WDR25: variants seen among roughly 807,000 people sequenced by gnomAD.
The protein encoded by WDR25 is WD repeat-containing protein 25.
A neutral mutation model predicts 47.7 loss-of-function variants in WDR25; 35 were observed. The ratio of observed to expected loss-of-function variants is 0.73; its 90% CI spans 0.56 to 0.97. WDR25 has a LOEUF of 0.97. Ranked by LOEUF, WDR25 falls within the 50% of genes least tolerant of loss-of-function variation. The pLI, the probability that WDR25 is intolerant of heterozygous loss-of-function variation, is 0.00. For synonymous variants in WDR25, 248 were observed against 278.9 expected (o/e 0.89, Z 1.10); for missense variants, 634 against 704.7 (o/e 0.90, Z 1.14).
intron 2 of WDR25, among the ~76,000 whole-genome samples, chr14:100,412,218 A>C (rs1487346670): frequency 1.3e-5 from 2 of 151,988 alleles, no homozygotes; most frequent in African/African-American, 4.8e-5. Flanking sequence ...AAAAAAAAAA[A>C]AAAAAAAAAG....
chr14:100,476,453 G>A (rs540456738), intron 3 of WDR25: 1 of 152,186 alleles, frequency 6.6e-6, no homozygotes, highest in Non-Finnish European at 1.5e-5. Context: ...GGAAACACAA[G>A]CTCAATTACC....
At position 100,529,231 on chromosome 14, in the gene WDR25, G is replaced by C; in HGVS notation, c.1413+23G>C. ...AAGGTACTTCTGTCCTTGTCCCCCA[G>C]GCGAATGCTGAGCCCCAGCCCCAAG... On this transcript the variant is annotated intron_variant, in intron 6 of 6. Coordinates refer to ENST00000402312, the MANE Select transcript of WDR25 (RefSeq NM_001161476.3). This position sits in a 1 kb window ranked among gnomAD's most constrained non-coding sequence, Gnocchi z 5.1. The C allele has an allele frequency of 6.2e-7, 1 of 1,612,348 alleles. No homozygotes were observed. The highest frequency in any genetic ancestry group is 8.5e-7 in the Non-Finnish European group (1 of 1,179,620).
intron 2 of WDR25, among the ~76,000 whole-genome samples, chr14:100,382,333 G>A (rs574579168): frequency 1.3e-5 from 2 of 152,292 alleles, no homozygotes; most frequent in African/African-American, 4.8e-5. Flanking sequence ...TCCTGAGGAA[G>A]GGGAAGGTTC....
In WDR25 at chr14:100,428,788, T is replaced by C. The variant is rs1427747291; in HGVS notation, c.823-39233T>C. On this transcript the variant is annotated intron_variant, in intron 2 of 6. Coordinates refer to ENST00000402312, the MANE Select transcript of WDR25 (RefSeq NM_001161476.3). The surrounding 1 kb of genome is among the most constrained non-coding windows in gnomAD (Gnocchi z 4.3). ...CGCTTTTATTCTACTTTGAATGTAATTTAGTTGCACATTCATATTTAAAAT... is the reference window on the plus strand; with the variant it reads ...CGCTTTTATTCTACTTTGAATGTAACTTAGTTGCACATTCATATTTAAAAT... Among the ~76,000 whole-genome samples, 3 of 152,264 alleles carry C rather than the reference T, an allele frequency of 2.0e-5. No homozygotes were observed. The highest frequency in any genetic ancestry group is 7.2e-5 in the African/African-American group (3 of 41,470).
rs758269407 is a variant in WDR25 at position 100,530,086 on chromosome 14, C to T, written c.*45C>T. On this transcript the variant is annotated 3_prime_UTR_variant, in exon 7 of 7. Coordinates refer to ENST00000402312, the MANE Select transcript of WDR25 (RefSeq NM_001161476.3). ...TCCCGATGCCAGCTGGGCTCTTGGA[C>T]TCCCCTCTTCCTCAAGGGTAGATGA... 1.9e-6 allele frequency: 3 copies of T among 1,565,570 alleles called. No individual in the cohort carries two copies. The highest frequency in any genetic ancestry group is 2.4e-5 in the South Asian group (2 of 84,488).
At chr14:100,452,113 T>C (rs985690528) in intron 2 of WDR25, among the ~76,000 whole-genome samples, 1 of 152,216 alleles carries the variant, frequency 6.6e-6, no homozygotes, top group Non-Finnish European at 1.5e-5. Context: ...CCATCATCCA[T>C]TCATAACCCA....
intron 2 of WDR25, among the ~76,000 whole-genome samples, chr14:100,429,978 G>T (rs565969162): frequency 6.6e-6 from 1 of 152,244 alleles, no homozygotes; most frequent in East Asian, 1.9e-4. Context: ...GGGAGTTAGG[G>T]CTTCAACATA....
In WDR25 at chr14:100,468,119, C is replaced by G; in HGVS notation, c.921C>G (p.Ile307Met). 2 of 1,613,642 alleles carry G rather than the reference C, an allele frequency of 1.2e-6. No individual in the cohort carries two copies. Among genetic ancestry groups the G allele is most frequent in the Non-Finnish European group, 1.7e-6 (2 of 1,180,024 alleles). Residue 307 changes from isoleucine (I) to methionine (M), a missense_variant, in exon 3 of 7, where the codon ATC becomes ATG. Transcript: ENST00000402312. This position sits in a 1 kb window ranked among gnomAD's most constrained non-coding sequence, Gnocchi z 4.5. The part of the protein sequence containing the change: ...AARWAPCGRR[I>M]LSGGFDFALH... ...GGTGGGCTCCCTGTGGCCGGCGCAT[C>G]CTCAGTGGTGGCTTTGACTTCGCGC...
In WDR25 at chr14:100,498,462, G is replaced by A. The variant is rs908468371; in HGVS notation, c.1101+14338G>A. 1.1e-3 allele frequency among the ~76,000 whole-genome samples: 169 copies of A among 152,056 alleles called. No homozygotes were observed. The highest frequency in any genetic ancestry group is 3.8e-3 in the African/African-American group (159 of 41,460). On this transcript the variant is annotated intron_variant, in intron 4 of 6. Coordinates refer to ENST00000402312, the MANE Select transcript of WDR25 (RefSeq NM_001161476.3). The surrounding 1 kb of genome is among the most constrained non-coding windows in gnomAD (Gnocchi z 4.2). ...GAATTTTTTCTTTTTTTTCAAAAAG[G>A]TCGGTTTTCTGGCTCACCTCACTCA...
chr14:100,447,005 G>A (rs1350313733), intron 2 of WDR25, among the ~76,000 whole-genome samples: 1 of 152,190 alleles, frequency 6.6e-6, no homozygotes, highest in Non-Finnish European at 1.5e-5. Context: ...AGAATCACTT[G>A]TTAAACTTTA....
intron 2 of WDR25, among the ~76,000 whole-genome samples, chr14:100,445,538 C>A (rs1230752000): frequency 6.6e-6 from 1 of 152,156 alleles, no homozygotes; most frequent in African/African-American, 2.4e-5. Context: ...GCATAGGCTG[C>A]AGGCTGGGAG....
intron 2 of WDR25, among the ~76,000 whole-genome samples, chr14:100,446,454 G>A (rs1394418533): frequency 6.6e-6 from 1 of 151,302 alleles, no homozygotes; most frequent in East Asian, 1.9e-4. Context: ...GGGAGGCTGT[G>A]GCAGGAGAAT....
intron 2 of WDR25, among the ~76,000 whole-genome samples, chr14:100,458,080 C>G (rs1467434015): frequency 6.6e-6 from 1 of 152,154 alleles, no homozygotes; most frequent in Admixed American, 6.5e-5. Context: ...ATGAAATGGT[C>G]TACCCATCCC....
intron 2 of WDR25, among the ~76,000 whole-genome samples, chr14:100,454,090 G>T (rs1053508082): frequency 6.6e-6 from 1 of 152,204 alleles, no homozygotes; most frequent in Non-Finnish European, 1.5e-5. Flanking sequence ...TGCTGCAAAT[G>T]TGAGCCCTTT....
intron 2 of WDR25, among the ~76,000 whole-genome samples, chr14:100,399,640 T>C (rs563870450): frequency 1.2e-4 from 18 of 152,356 alleles, no homozygotes; most frequent in African/African-American, 3.8e-4. Context: ...AGCTCTGTTC[T>C]GCTTTCCGGA....
intron 3 of WDR25, among the ~76,000 whole-genome samples, chr14:100,482,433 GT>G (rs1900235593): frequency 1.3e-5 from 2 of 152,024 alleles, no homozygotes; most frequent in South Asian, 4.1e-4. Context: ...TCTATTTTTG[GT>G]TTTTAAAAAA....
At chr14:100,511,794 A>G (rs997557492) in intron 4 of WDR25, among the ~76,000 whole-genome samples, 3 of 152,168 alleles carry the variant, frequency 2.0e-5, no homozygotes, top group African/African-American at 7.2e-5. Flanking sequence ...TAGTTTGCTG[A>G]GAGTTTTTTA....
At chr14:100,410,176 A>G (rs1453144943) in intron 2 of WDR25, among the ~76,000 whole-genome samples, 1 of 152,142 alleles carries the variant, frequency 6.6e-6, no homozygotes, top group East Asian at 1.9e-4. Context: ...GATTAGGAAA[A>G]AGCCAGCGCT....
chr14:100,446,550 CAA>C (rs55946078), intron 2 of WDR25, among the ~76,000 whole-genome samples: 2,241 of 74,972 alleles, frequency 0.03, 18 homozygotes, highest in East Asian at 0.05. Context: ...GACTCCATCT[CAA>C]AAAAAAAAAA....
Sources: allele counts gnomAD v4.1 joint callset (sites outside exome capture counted in the v4.1 genomes callset), GRCh38; gene constraint gnomAD v4.1.1; non-coding constraint Gnocchi (gnomAD v3.1); transcripts MANE v1.5; gene names NCBI Gene and HGNC (gene_info 2026-07-23, HGNC 2026-07-21).